The following BACH2 variants were observed in gnomAD, a reference collection of about 807,000 sequenced individuals.
BACH2 encodes the protein transcription regulator protein BACH2.
A neutral mutation model predicts 61.8 loss-of-function variants in BACH2; 5 were observed. The ratio of observed to expected loss-of-function variants is 0.08; its 90% CI spans 0.04 to 0.17. BACH2 has a LOEUF of 0.17. Ranked by LOEUF, BACH2 falls within the 10% of genes least tolerant of loss-of-function variation. The pLI, the probability that BACH2 is intolerant of heterozygous loss-of-function variation, is 1.00. For missense variants in BACH2, 824 were observed against 1,091.1 expected (o/e 0.76, Z 3.45); for synonymous variants, 446 against 440.1 (o/e 1.01, Z -0.17).
At chr6:90,055,008 C>A (rs1298168353) in intron 5 of BACH2, among the ~76,000 whole-genome samples, 1 of 152,132 alleles carries the variant, frequency 6.6e-6, no homozygotes, top group Non-Finnish European at 1.5e-5. Flanking sequence ...GTAGATAAAA[C>A]CACAAAGATG....
intron 2 of BACH2, among the ~76,000 whole-genome samples, chr6:90,256,953 A>G (rs1047645120): frequency 3.3e-5 from 5 of 152,224 alleles, no homozygotes; most frequent in Non-Finnish European, 7.3e-5. Flanking sequence ...TTGGTTCCAC[A>G]TATAAGTAAG....
At position 90,121,465 on chromosome 6, in the gene BACH2, A is replaced by G. The variant is rs573232317; in HGVS notation, c.-161-32356T>C. On this transcript the variant is annotated intron_variant, in intron 4 of 8. Coordinates refer to ENST00000257749, the MANE Select transcript of BACH2 (RefSeq NM_021813.4). ...ACGGTTATTATTTGCTTATTTAAATAAAAACTATTTTAATAAAAAGATATA... is the reference window on the plus strand; with the variant it reads ...ACGGTTATTATTTGCTTATTTAAATGAAAACTATTTTAATAAAAAGATATA... 8.9e-4 allele frequency among the ~76,000 whole-genome samples: 136 copies of G among 151,958 alleles called. 1 individual carries two copies. The highest frequency in any genetic ancestry group is 3.1e-3 in the African/African-American group (128 of 41,542).
intron 4 of BACH2, among the ~76,000 whole-genome samples, chr6:90,149,158 T>C (rs575822310): frequency 6.6e-6 from 1 of 152,100 alleles, no homozygotes; most frequent in African/African-American, 2.4e-5. Context: ...GAGTCCAAGG[T>C]GATGCTGGGC....
At chr6:90,086,986 C>A (rs1781960166) in intron 5 of BACH2, among the ~76,000 whole-genome samples, 1 of 152,256 alleles carries the variant, frequency 6.6e-6, no homozygotes, top group Middle Eastern at 3.4e-3. Flanking sequence ...TTGGGCAGCC[C>A]CCAGAAGGCA....
chr6:90,207,784 T>C (rs767757878), intron 3 of BACH2, among the ~76,000 whole-genome samples: 2 of 152,200 alleles, frequency 1.3e-5, no homozygotes, highest in Non-Finnish European at 2.9e-5. Flanking sequence ...TAGTTCTTAG[T>C]AATCAGCCTT....
chr6:90,153,644 C>T (rs1784899436), intron 4 of BACH2, among the ~76,000 whole-genome samples: 1 of 152,114 alleles, frequency 6.6e-6, no homozygotes, highest in Admixed American at 6.6e-5. Context: ...CTTCAAAATC[C>T]AGGCACATTC....
At chr6:90,054,732 C>T (rs936548359) in intron 5 of BACH2, among the ~76,000 whole-genome samples, 15 of 152,180 alleles carry the variant, frequency 9.9e-5, no homozygotes, top group Admixed American at 2.0e-4. Flanking sequence ...CCAGTAGAGG[C>T]GGGCTGACAC....
intron 4 of BACH2, among the ~76,000 whole-genome samples, chr6:90,111,290 C>T (rs1010478961): frequency 6.6e-6 from 1 of 152,196 alleles, no homozygotes; most frequent in African/African-American, 2.4e-5. Context: ...GCAAAAAAGC[C>T]TCCTTGATGG....
At chr6:90,233,404 T>TG (rs769363458) in intron 3 of BACH2, among the ~76,000 whole-genome samples, 5 of 152,218 alleles carry the variant, frequency 3.3e-5, no homozygotes, top group Admixed American at 6.5e-5. Flanking sequence ...CGTCTGCCTG[T>TG]GCACACAGGC....
At chr6:90,229,687 T>G (rs111575357) in intron 3 of BACH2, among the ~76,000 whole-genome samples, 7 of 152,204 alleles carry the variant, frequency 4.6e-5, no homozygotes, top group Non-Finnish European at 1.0e-4. Flanking sequence ...AATCACTGCT[T>G]TGGCTGCAAC....
chr6:89,985,014 G>A (rs943005672), intron 6 of BACH2, among the ~76,000 whole-genome samples: 3 of 152,086 alleles, frequency 2.0e-5, no homozygotes, highest in Admixed American at 6.6e-5. Context: ...CTGAGTCCTC[G>A]GGCAGGAGAC....
At chr6:90,233,806 C>T (rs1183409297) in intron 3 of BACH2, among the ~76,000 whole-genome samples, 1 of 152,178 alleles carries the variant, frequency 6.6e-6, no homozygotes, top group African/African-American at 2.4e-5. Context: ...TTCCCAGGAT[C>T]ATTTCAATTT....
At chr6:89,952,940 A>C (rs1774219810) in intron 6 of BACH2, 1 of 152,246 alleles carries the variant, frequency 6.6e-6, no homozygotes, top group Non-Finnish European at 1.5e-5. Flanking sequence ...ATAAAACCAC[A>C]CATCCTCTAG....
At chr6:90,191,066 C>T (rs1016910514) in intron 4 of BACH2, among the ~76,000 whole-genome samples, 5 of 152,224 alleles carry the variant, frequency 3.3e-5, no homozygotes, top group Non-Finnish European at 7.3e-5. Flanking sequence ...TCTGGTTGAG[C>T]TTCTCACTGG....
intron 5 of BACH2, among the ~76,000 whole-genome samples, chr6:90,079,554 T>A (rs902642090): frequency 6.6e-6 from 1 of 152,232 alleles, no homozygotes; most frequent in African/African-American, 2.4e-5. Flanking sequence ...TAAACTATCA[T>A]GTGTAGACAC....
At chr6:90,002,663 G>A (rs1367564909) in intron 6 of BACH2, among the ~76,000 whole-genome samples, 1 of 152,146 alleles carries the variant, frequency 6.6e-6, no homozygotes, top group Admixed American at 6.5e-5. Flanking sequence ...CCAGCTACTT[G>A]GGAGGCTGAG....
intron 1 of BACH2, among the ~76,000 whole-genome samples, chr6:90,272,235 T>C (rs539900530): frequency 6.6e-6 from 1 of 152,240 alleles, no homozygotes; most frequent in African/African-American, 2.4e-5. Flanking sequence ...CTTGACTTCT[T>C]TGTAGTGTCT....
chr6:90,096,210 A>T (rs1309458572), intron 4 of BACH2, among the ~76,000 whole-genome samples: 1 of 152,186 alleles, frequency 6.6e-6, no homozygotes, highest in African/African-American at 2.4e-5. Flanking sequence ...TATATATTTC[A>T]GTGTCGTTTC....
At chr6:90,112,692 C>T (rs1472745831) in intron 4 of BACH2, among the ~76,000 whole-genome samples, 4 of 152,080 alleles carry the variant, frequency 2.6e-5, no homozygotes, top group Non-Finnish European at 5.9e-5. Flanking sequence ...AGCAACCACA[C>T]AAACAAGACA....
Sources: allele counts gnomAD v4.1 joint callset (sites outside exome capture counted in the v4.1 genomes callset), GRCh38; gene constraint gnomAD v4.1.1; transcripts MANE v1.5; gene names NCBI Gene and HGNC (gene_info 2026-07-23, HGNC 2026-07-21).